The following PLXNA4 variants were observed in gnomAD, a reference collection of about 807,000 sequenced individuals.
PLXNA4 encodes plexin A4, also known as plexin-A4.
Under a neutral mutation model 191.8 loss-of-function variants are expected in PLXNA4, and 44 were observed. That is an observed-to-expected ratio of 0.23 (90% CI 0.18 to 0.29). PLXNA4 has a LOEUF of 0.29. PLXNA4 is among the 10% of genes least tolerant of loss of function. The pLI is 1.00. For synonymous variants in PLXNA4, 1,082 were observed against 1,009.5 expected (o/e 1.07, Z -1.36); for missense variants, 1,800 against 2,488.8 (o/e 0.72, Z 5.89).
In PLXNA4 at chr7:132,268,101, C is replaced by A. The variant is rs545622402; in HGVS notation, c.1504-26935G>T. ...GTGCCATTAGTGATCATGGTACACACCGTGATTAAAAATGCAATCGACTGG... is the reference window on the plus strand; with the variant it reads ...GTGCCATTAGTGATCATGGTACACAACGTGATTAAAAATGCAATCGACTGG... On this transcript the variant is annotated intron_variant, in intron 4 of 31. Coordinates refer to ENST00000321063, the MANE Select transcript of PLXNA4 (RefSeq NM_020911.2). 6.6e-5 allele frequency among the ~76,000 whole-genome samples: 10 copies of A among 152,272 alleles called. 1 individual carries two copies. Among genetic ancestry groups the A allele is most frequent in the Admixed American group, 5.2e-4 (8 of 15,302 alleles).
chr7:132,148,787 G>C, intron 25 of PLXNA4, 141 bp from the exon 26 acceptor site: 1 of 1,342,700 alleles, frequency 7.4e-7, no homozygotes, highest in Non-Finnish European at 9.9e-7. Context: ...TGCGAAAATG[G>C]AGTGCCAAAG....
chr7:132,586,068 C>T (rs961260562), intron 2 of PLXNA4, among the ~76,000 whole-genome samples: 1 of 152,130 alleles, frequency 6.6e-6, no homozygotes, highest in Non-Finnish European at 1.5e-5. Flanking sequence ...TAATAAAATC[C>T]TTGTAGAACA....
intron 4 of PLXNA4, among the ~76,000 whole-genome samples, chr7:132,242,739 T>C (rs1562987637): frequency 6.6e-6 from 1 of 152,192 alleles, no homozygotes; most frequent in Non-Finnish European, 1.5e-5. Context: ...TTATCTTTTC[T>C]TTTATTACTG....
At chr7:132,561,913 TATCCTCCTCCTC>T (rs1288612856) in intron 1 of PLXNA4, among the ~76,000 whole-genome samples, 1 of 83,234 alleles carries the variant, frequency 1.2e-5, no homozygotes, top group African/African-American at 4.6e-5. Flanking sequence ...TTCTCCTCCT[TATCCTCCTCCTC>T]ATCCTCCTCC....
chr7:132,597,186 T>C (rs1802727396), intron 2 of PLXNA4, among the ~76,000 whole-genome samples: 1 of 152,164 alleles, frequency 6.6e-6, no homozygotes, highest in Non-Finnish European at 1.5e-5. Context: ...TGCATTCCCA[T>C]TGAATTCATT....
chr7:132,422,729 C>G (rs1794891076), intron 3 of PLXNA4, among the ~76,000 whole-genome samples: 1 of 152,228 alleles, frequency 6.6e-6, no homozygotes, highest in Non-Finnish European at 1.5e-5. Context: ...TGAGCACTTT[C>G]CAAGGCCCAG....
Position 132,194,088 on chromosome 7 carries a change from G to C in PLXNA4, c.2830C>G (p.Arg944Gly). The change falls in exon 14 of 32, where the codon CGG becomes GGG. Residue 944 changes from arginine (R) to glycine (G), a missense_variant. Arg to Gly is a moderately radical substitution (Grantham distance 125). Coordinates refer to ENST00000321063, the MANE Select transcript of PLXNA4 (RefSeq NM_020911.2). ...VAVCRPEFMA[R>G]SSQLYYFMTL... is the part of the protein sequence containing the mutation. ...ATGAAGTAATAGAGCTGTGAGGACC[G>C]GGCCATGAATTCAGGCCGACACACA... The C allele has an allele frequency of 6.2e-7, 1 of 1,614,040 alleles. No homozygotes were observed. The highest frequency in any genetic ancestry group is 8.5e-7 in the Non-Finnish European group (1 of 1,179,942).
chr7:132,247,265 A>G (rs17166279), intron 4 of PLXNA4, among the ~76,000 whole-genome samples: 6,829 of 152,290 alleles, frequency 0.045, 194 homozygotes, highest in South Asian at 0.12. Flanking sequence ...CATTATGGTC[A>G]AAATGTGAGT....
chr7:132,382,118 C>A (rs1180480488), intron 3 of PLXNA4, among the ~76,000 whole-genome samples: 2 of 152,154 alleles, frequency 1.3e-5, no homozygotes, highest in Non-Finnish European at 1.5e-5. Context: ...ATAGGGTAGA[C>A]CACTAGATGT....
intron 2 of PLXNA4, among the ~76,000 whole-genome samples, chr7:132,604,555 T>G (rs1400928749): frequency 6.6e-6 from 1 of 152,202 alleles, no homozygotes; most frequent in Non-Finnish European, 1.5e-5. Context: ...ACAGTTGTTT[T>G]TCAATAAACA....
At position 132,205,972 on chromosome 7, in the gene PLXNA4, C is replaced by A. The variant is rs569444095; in HGVS notation, c.2299-2553G>T. On this transcript the variant is annotated intron_variant, in intron 10 of 31. Coordinates refer to ENST00000321063, the MANE Select transcript of PLXNA4 (RefSeq NM_020911.2). ...GCATGTGAGCATCTGTGTACTCAAACGTGTTTATGTGCATGCTGACTTGAG... is the reference window on the plus strand; with the variant it reads ...GCATGTGAGCATCTGTGTACTCAAAAGTGTTTATGTGCATGCTGACTTGAG... Among the ~76,000 whole-genome samples the A allele has an allele frequency of 3.9e-5, 6 of 152,334 alleles. No homozygotes were observed. In the South Asian group the frequency reaches 1.2e-3, roughly 32 times the overall value.
intron 1 of PLXNA4, among the ~76,000 whole-genome samples, chr7:132,539,303 G>A (rs546803563): frequency 6.6e-6 from 1 of 152,320 alleles, no homozygotes; most frequent in East Asian, 1.9e-4. Flanking sequence ...GAGAGGGACA[G>A]ACCCTCCACC....
At chr7:132,423,556 T>A (rs1794927867) in intron 3 of PLXNA4, among the ~76,000 whole-genome samples, 1 of 152,144 alleles carries the variant, frequency 6.6e-6, no homozygotes, top group South Asian at 2.1e-4. Flanking sequence ...CCATCCAGCT[T>A]TTCTAGAGAT....
At chr7:132,620,188 T>C (rs1435717640) in intron 2 of PLXNA4, among the ~76,000 whole-genome samples, 1 of 152,152 alleles carries the variant, frequency 6.6e-6, no homozygotes, top group African/African-American at 2.4e-5. Context: ...AAAGACATAA[T>C]GACACATTCA....
chr7:132,620,935 C>A (rs1803248202), intron 2 of PLXNA4, among the ~76,000 whole-genome samples: 1 of 152,156 alleles, frequency 6.6e-6, no homozygotes, highest in African/African-American at 2.4e-5. Context: ...AGGCCTGCTT[C>A]TTGGTTTGCA....
chr7:132,555,045 G>GAAAAAAAAAACA, intron 1 of PLXNA4, among the ~76,000 whole-genome samples: 4 of 111,926 alleles, frequency 3.6e-5, no homozygotes, highest in African/African-American at 1.5e-4. Context: ...AAACCTGAAG[G>GAAAAAAAAAACA]AAAAAAAAAA....
Position 132,202,091 on chromosome 7 carries a change from G to A in PLXNA4, c.2586+555C>T, listed in dbSNP as rs10232523. On this transcript the variant is annotated intron_variant, in intron 12 of 31. Transcript: ENST00000321063. ...CTATTCTCTGGGACCCAGTGTCTGC[G>A]TGTTTGGCTCTTCACCGTGTTCCTC... Among the ~76,000 whole-genome samples the A allele has an allele frequency of 2.1e-3, 315 of 152,286 alleles. 2 individuals carry two copies. The highest frequency in any genetic ancestry group is 6.8e-3 in the Middle Eastern group (2 of 294).
At chr7:132,627,818 C>T (rs543014742) in intron 2 of PLXNA4, among the ~76,000 whole-genome samples, 1 of 152,148 alleles carries the variant, frequency 6.6e-6, no homozygotes, top group South Asian at 2.1e-4. Flanking sequence ...CCTGGACTTC[C>T]CAGCCTCCAG....
intron 3 of PLXNA4, among the ~76,000 whole-genome samples, chr7:132,428,457 G>A (rs1343484087): frequency 6.6e-6 from 1 of 152,202 alleles, no homozygotes; most frequent in Admixed American, 6.5e-5. Flanking sequence ...GGCGCCTGGT[G>A]CAATCCCCAG....
Sources: allele counts gnomAD v4.1 joint callset (sites outside exome capture counted in the v4.1 genomes callset), GRCh38; gene constraint gnomAD v4.1.1; transcripts MANE v1.5; gene names NCBI Gene and HGNC (gene_info 2026-07-23, HGNC 2026-07-21).